QSOX1: variants seen among roughly 807,000 people sequenced by gnomAD.
QSOX1 encodes the protein quiescin sulfhydryl oxidase 1.
QSOX1 carries 40 observed loss-of-function variants against 76.1 expected under a neutral mutation model. That is an observed-to-expected ratio of 0.53 (90% CI 0.41 to 0.68). The LOEUF is 0.68. Among genes scored for constraint, QSOX1 ranks in the 30% least tolerant of loss-of-function variants. The probability of loss-of-function intolerance (pLI) is 0.00; values close to 1 mark genes in which losing one functional copy is unlikely to be tolerated. For missense variants in QSOX1, 931 were observed against 974.3 expected (o/e 0.96, Z 0.59); for synonymous variants, 392 against 413.1 (o/e 0.95, Z 0.62).
Position 180,196,077 on chromosome 1 carries a change from A to G in QSOX1, c.1469-185A>G, listed in dbSNP as rs1400563553. On this transcript the variant is annotated intron_variant, in intron 11 of 11. Transcript: ENST00000367602. The surrounding 1 kb of genome is among the most constrained non-coding windows in gnomAD (Gnocchi z 4.1). The stretch of plus-strand genomic sequence containing the variant: ...GATCTGCCTCCTCCTCCATGCTGCC[A>G]TCTGTTGAGCTCCCACTGTGGGCTA... 3.3e-5 allele frequency among the ~76,000 whole-genome samples: 5 copies of G among 152,166 alleles called. No homozygotes were observed. The highest frequency in any genetic ancestry group is 7.3e-5 in the Non-Finnish European group (5 of 68,030).
chr1:180,191,220 G>C (rs1288625747), intron 10 of QSOX1, among the ~76,000 whole-genome samples: 2 of 152,212 alleles, frequency 1.3e-5, no homozygotes, highest in African/African-American at 2.4e-5. Context: ...TAGATACATG[G>C]GTGAAAAGGG....
rs986328545 is a variant in QSOX1, at chr1:180,204,018, C to T, written c.*6981C>T. The T allele has an allele frequency of 6.6e-6, 1 of 151,974 alleles. No individual in the cohort carries two copies. Among genetic ancestry groups the T allele is most frequent in the African/African-American group, 2.4e-5 (1 of 41,340 alleles). 9.4% of individuals were successfully genotyped at this position (151,974 alleles called of 1,614,324 possible). On this transcript the variant is annotated 3_prime_UTR_variant, in exon 12 of 12. Coordinates refer to ENST00000367602, the MANE Select transcript of QSOX1 (RefSeq NM_002826.5). ...CTAAATCCCTACTGAAAATAAAGGG[C>T]CTAAAGACTGAATGAGAGATGCAAT... is the stretch of plus-strand genomic sequence containing the variant.
intron 2 of QSOX1, 105 bp downstream of exon 2, chr1:180,166,696 T>TG: frequency 8.7e-7 from 1 of 1,147,466 alleles, no homozygotes; most frequent in Non-Finnish European, 1.3e-6. Flanking sequence ...TTTCAGCTGC[T>TG]CTGATTTGAG....
chr1:180,163,607 G>T (rs1662543417), intron 1 of QSOX1, among the ~76,000 whole-genome samples: 1 of 152,150 alleles, frequency 6.6e-6, no homozygotes, highest in African/African-American at 2.4e-5. Context: ...TTAGACTTAT[G>T]TTCAGCAATT....
At chr1:180,166,623 G>T (rs1572040165) in intron 2 of QSOX1, 32 bp downstream of exon 2, 1 of 1,269,208 alleles carries the variant, frequency 7.9e-7, no homozygotes. Flanking sequence ...AAGGCAGGCT[G>T]GGCCTGCTTT....
chr1:180,156,745 G>T (rs1311895555), intron 1 of QSOX1, among the ~76,000 whole-genome samples: 1 of 152,174 alleles, frequency 6.6e-6, no homozygotes, highest in Non-Finnish European at 1.5e-5. Context: ...GTCAGGGGAG[G>T]AGTGATGTCA....
intron 10 of QSOX1, among the ~76,000 whole-genome samples, chr1:180,193,130 A>T (rs1418856730): frequency 6.6e-6 from 1 of 152,122 alleles, no homozygotes; most frequent in Non-Finnish European, 1.5e-5. Flanking sequence ...GAACTGGGGC[A>T]TGACTGGGTT....
Position 180,155,164 on chromosome 1 carries a change from A to T in QSOX1, c.257A>T (p.Asp86Val). ...CCGACGTGGAAGGCGCTGGCCGAAG[A>T]CGTCAAAGGTGAGAAGCGGGGGCGG... ...FAPTWKALAEDVKAWRPALYL... is the reference protein window; with the variant it reads ...FAPTWKALAEVVKAWRPALYL... The change falls in exon 1 of 12, where the codon GAC becomes GTC. Residue 86 changes from aspartate (D) to valine (V), a missense_variant. Asp to Val is a radical substitution (Grantham distance 152, BLOSUM62 -3). Transcript: ENST00000367602. 6.6e-7 allele frequency: 1 copy of T among 1,508,088 alleles called. No individual in the cohort carries two copies. The highest frequency in any genetic ancestry group is 8.8e-7 in the Non-Finnish European group (1 of 1,132,244). The allele number at this position is 1,508,088 out of a possible 1,614,324, so 93.4% of individuals were successfully genotyped here. A position where few individuals can be genotyped will look rare whatever the true frequency, so the allele number is the denominator to read the frequency against.
At chr1:180,174,712 C>T (rs1255239836) in intron 2 of QSOX1, among the ~76,000 whole-genome samples, 1 of 152,178 alleles carries the variant, frequency 6.6e-6, no homozygotes, top group African/African-American at 2.4e-5. Flanking sequence ...TACTGTGCTG[C>T]ATAGAAATGG....
At position 180,176,092 on chromosome 1, in the gene QSOX1, G is replaced by A. The variant is rs1662885559; in HGVS notation, c.515+59G>A. On this transcript the variant is annotated intron_variant, in intron 4 of 11. Coordinates refer to ENST00000367602, the MANE Select transcript of QSOX1 (RefSeq NM_002826.5). Reference sequence around the variant, plus strand: ...GGGCCAGGATCCCAGGCCTGGGAGTGAGAGGGTGGTGGGAACAGCAGGGCG... The same window carrying A: ...GGGCCAGGATCCCAGGCCTGGGAGTAAGAGGGTGGTGGGAACAGCAGGGCG... 2.1e-6 allele frequency: 3 copies of A among 1,398,468 alleles called. No homozygotes were observed. In the African/African-American group the frequency reaches 4.3e-5, roughly 20 times the overall value. The allele number at this position is 1,398,468 out of a possible 1,614,324, so 86.6% of individuals were successfully genotyped here.
chr1:180,155,319 C>T, intron 1 of QSOX1, 147 bp downstream of exon 1: 1 of 742,566 alleles, frequency 1.3e-6, no homozygotes, highest in Non-Finnish European at 2.0e-6. Flanking sequence ...ACGCCCACCA[C>T]CTTCATGTTT....
At chr1:180,167,851 G>A (rs1229863578) in intron 2 of QSOX1, among the ~76,000 whole-genome samples, 2 of 152,214 alleles carry the variant, frequency 1.3e-5, no homozygotes, top group Non-Finnish European at 2.9e-5. Context: ...TTGGCCCTAA[G>A]GTGTGTAATT....
In QSOX1 at chr1:180,154,976, G is replaced by A; in HGVS notation, c.69G>A (p.Ala23=). 2.0e-6 allele frequency: 3 copies of A among 1,506,022 alleles called. No individual in the cohort carries two copies. The highest frequency in any genetic ancestry group is 2.6e-6 in the Non-Finnish European group (3 of 1,135,218). 93.3% of individuals were successfully genotyped at this position (1,506,022 alleles called of 1,614,324 possible). The change falls in exon 1 of 12, where the codon GCG becomes GCA. Residue 23 remains alanine (A), a synonymous_variant. Transcript: ENST00000367602. ...SLLLLLLWLL[A]VPGANAAPRS... ...TGCTGCTGCTGCTGTGGCTGCTCGC[G>A]GTTCCCGGCGCTAACGCGGCCCCGC...
At chr1:180,184,659 G>A (rs958056956) in intron 7 of QSOX1, among the ~76,000 whole-genome samples, 1 of 152,204 alleles carries the variant, frequency 6.6e-6, no homozygotes, top group African/African-American at 2.4e-5. Flanking sequence ...GTTGGGCAGT[G>A]AGACAGAGCT....
chr1:180,177,249 CCT>C (rs1491210312), intron 4 of QSOX1, among the ~76,000 whole-genome samples: 92 of 75,484 alleles, frequency 1.2e-3, no homozygotes, highest in African/African-American at 1.6e-3. Flanking sequence ...TCAAAGTGAT[CCT>C]TTTTTTTTTT....
rs1663646084 is a variant in QSOX1 at position 180,202,029 on chromosome 1, T to G, written c.*4992T>G. The G allele has an allele frequency of 6.6e-6, 1 of 152,238 alleles. No individual in the cohort carries two copies. Among genetic ancestry groups the G allele is most frequent in the Non-Finnish European group, 1.5e-5 (1 of 68,098 alleles). The allele number at this position is 152,238 out of a possible 1,614,324, so 9.4% of individuals were successfully genotyped here. On this transcript the variant is annotated 3_prime_UTR_variant, in exon 12 of 12. Transcript: ENST00000367602. ...TGGCCACCCTCACTGGCCCCATCAC[T>G]CCAGGTTGCACTGCTGCCCAGGGGG...
chr1:180,184,987 T>C (rs1252738774), intron 7 of QSOX1, among the ~76,000 whole-genome samples: 2 of 152,204 alleles, frequency 1.3e-5, no homozygotes, highest in Admixed American at 1.3e-4. Context: ...GTTCTTGTAA[T>C]AGCTTGGGCT....
chr1:180,175,108 G>T (rs977647429), intron 2 of QSOX1, among the ~76,000 whole-genome samples: 3 of 149,178 alleles, frequency 2.0e-5, no homozygotes, highest in Middle Eastern at 3.2e-3. Context: ...AGTGAGCCGA[G>T]ATCGCGCCAC....
rs1334623936 is a variant in QSOX1, at chr1:180,198,628, C to T, written c.*1591C>T. The T allele has an allele frequency of 2.3e-5, 8 of 351,466 alleles. No homozygotes were observed. The Admixed American group carries it at 3.0e-4, about 13-fold the overall frequency. 21.8% of individuals were successfully genotyped at this position (351,466 alleles called of 1,614,324 possible). A position where few individuals can be genotyped will look rare whatever the true frequency, so the allele number is the denominator to read the frequency against. ...CTGGGGAGGGATGGCAGTCTCCCTG[C>T]ATGTTTCCCTCGACCTCTTTAGCTG... On this transcript the variant is annotated 3_prime_UTR_variant, in exon 12 of 12. Coordinates refer to ENST00000367602, the MANE Select transcript of QSOX1 (RefSeq NM_002826.5).
Sources: gnomAD v4.1 joint callset for allele counts (sites outside exome capture counted in the v4.1 genomes callset) on GRCh38, gnomAD v4.1.1 for gene constraint, Gnocchi (gnomAD v3.1) non-coding constraint, MANE v1.5 for transcripts, NCBI Gene and HGNC (gene_info 2026-07-23, HGNC 2026-07-21) for gene names.